Variants in NAV2 observed in about 807,000 individuals in gnomAD.
NAV2 encodes helicase, APC down-regulated 1.
Under a neutral mutation model 223.2 loss-of-function variants are expected in NAV2, and 54 were observed. That is an observed-to-expected ratio of 0.24 (90% CI 0.19 to 0.30). The LOEUF (loss-of-function observed/expected upper bound fraction) is 0.30. Among genes scored for constraint, NAV2 ranks in the 10% least tolerant of loss-of-function variants. The pLI is 1.00. For missense variants in NAV2, 2,806 were observed against 3,147.5 expected (o/e 0.89, Z 2.60); for synonymous variants, 1,279 against 1,239.3 (o/e 1.03, Z -0.67).
intron 1 of NAV2, among the ~76,000 whole-genome samples, chr11:19,755,607 G>C (rs1008993657): frequency 6.6e-6 from 1 of 152,212 alleles, no homozygotes; most frequent in Non-Finnish European, 1.5e-5. Context: ...TTCTAAGGTC[G>C]CTGGCAATTC....
chr11:19,551,283 C>T (rs887085310), intron 1 of NAV2, among the ~76,000 whole-genome samples: 3 of 152,248 alleles, frequency 2.0e-5, no homozygotes, highest in Non-Finnish European at 4.4e-5. Context: ...TCCATGTCTA[C>T]GCAAACAAGA....
chr11:19,406,914 C>A (rs1399366837), intron 1 of NAV2, among the ~76,000 whole-genome samples: 1 of 152,224 alleles, frequency 6.6e-6, no homozygotes, highest in Non-Finnish European at 1.5e-5. Flanking sequence ...AAATGCCATG[C>A]CCACTTCTAC....
At chr11:20,092,408 C>A in intron 28 of NAV2, 40 bp downstream of exon 28, 1 of 1,580,172 alleles carries the variant, frequency 6.3e-7, no homozygotes, top group Non-Finnish European at 8.6e-7. Context: ...AATGGACCTA[C>A]AGCTGGCACC....
intron 5 of NAV2, among the ~76,000 whole-genome samples, chr11:19,885,982 C>T (rs2040934488): frequency 6.6e-6 from 1 of 152,086 alleles, no homozygotes; most frequent in African/African-American, 2.4e-5. Flanking sequence ...AAATGTTCAT[C>T]TCAGACTCTT....
chr11:20,097,769 C>T (rs200816813), intron 31 of NAV2, 24 bp downstream of exon 31: 1,337 of 1,547,000 alleles, frequency 8.6e-4, no homozygotes, highest in Non-Finnish European at 1.1e-3. Flanking sequence ...TTGCAGAAGT[C>T]GGAGCTTTCA....
chr11:19,846,060 C>T (rs554874785), intron 3 of NAV2, among the ~76,000 whole-genome samples: 1 of 152,126 alleles, frequency 6.6e-6, no homozygotes, highest in Non-Finnish European at 1.5e-5. Flanking sequence ...ACCCATTCTA[C>T]CCCCAGGGCA....
chr11:19,942,564 G>A (rs2046488940), intron 8 of NAV2, among the ~76,000 whole-genome samples: 2 of 152,188 alleles, frequency 1.3e-5, no homozygotes, highest in South Asian at 4.1e-4. Context: ...GATAACTGAA[G>A]TCCATGCTTT....
At chr11:19,531,317 C>T (rs1284040500) in intron 1 of NAV2, among the ~76,000 whole-genome samples, 2 of 152,164 alleles carry the variant, frequency 1.3e-5, no homozygotes, top group Non-Finnish European at 2.9e-5. Context: ...GTGATTTGGG[C>T]AGGGAGCTAA....
chr11:19,667,462 C>CA (rs1351257577), intron 1 of NAV2, among the ~76,000 whole-genome samples: 1 of 152,130 alleles, frequency 6.6e-6, no homozygotes, highest in Non-Finnish European at 1.5e-5. Flanking sequence ...GCTTTGGGGG[C>CA]ACGAGGAGGT....
intron 1 of NAV2, among the ~76,000 whole-genome samples, chr11:19,674,870 C>T (rs1242111921): frequency 6.6e-6 from 1 of 152,182 alleles, no homozygotes; most frequent in Non-Finnish European, 1.5e-5. Flanking sequence ...TCAAATCTAA[C>T]ACAGAATTTA....
At chr11:19,361,848 A>C (rs1417402527) in intron 1 of NAV2, among the ~76,000 whole-genome samples, 1 of 152,184 alleles carries the variant, frequency 6.6e-6, no homozygotes, top group African/African-American at 2.4e-5. Flanking sequence ...TTGGATTCCT[A>C]TAGAGTCTCC....
upstream of NAV2, among the ~76,000 whole-genome samples, chr11:19,708,771 GC>G (rs2049757600): frequency 6.6e-6 from 1 of 152,006 alleles, no homozygotes; most frequent in Admixed American, 6.6e-5. Context: ...TTTCAATTTG[GC>G]CTATCACTGA....
At chr11:19,449,643 G>T (rs1229935101) in intron 1 of NAV2, among the ~76,000 whole-genome samples, 1 of 150,896 alleles carries the variant, frequency 6.6e-6, no homozygotes, top group Admixed American at 6.6e-5. Flanking sequence ...GTAGGGGCAC[G>T]GGGTGGGGTG....
chr11:19,505,931 C>T (rs1406500148), intron 1 of NAV2: 3 of 152,190 alleles, frequency 2.0e-5, no homozygotes, highest in Non-Finnish European at 4.4e-5. Flanking sequence ...TGGTGTGTTT[C>T]CTTGATGGCT....
intron 1 of NAV2, among the ~76,000 whole-genome samples, chr11:19,422,351 A>G (rs1850650085): frequency 6.6e-6 from 1 of 152,098 alleles, no homozygotes; most frequent in Non-Finnish European, 1.5e-5. Context: ...TTCATGCGTG[A>G]TCCCATGGAA....
intron 1 of NAV2, among the ~76,000 whole-genome samples, chr11:19,483,856 A>G (rs969908167): frequency 6.6e-6 from 1 of 152,090 alleles, no homozygotes; most frequent in Non-Finnish European, 1.5e-5. Context: ...TCAGAAGACA[A>G]GACTGGGGCA....
chr11:19,817,199 G>T (rs2059137022), intron 1 of NAV2, among the ~76,000 whole-genome samples: 1 of 152,224 alleles, frequency 6.6e-6, no homozygotes, highest in Middle Eastern at 3.4e-3. Context: ...GCCCTGGTCT[G>T]AATGGCCCTA....
At chr11:19,692,334 A>G (rs980520749) in intron 1 of NAV2, among the ~76,000 whole-genome samples, 3 of 152,254 alleles carry the variant, frequency 2.0e-5, no homozygotes, top group African/African-American at 7.2e-5. Flanking sequence ...CTGAGAAGCC[A>G]GGTCATTTGT....
intron 6 of NAV2, among the ~76,000 whole-genome samples, chr11:19,900,647 G>T (rs988663974): frequency 2.0e-5 from 3 of 151,994 alleles, no homozygotes; most frequent in African/African-American, 7.3e-5. Flanking sequence ...ATAAATTCTA[G>T]GGTTCCCACA....
Sources: gnomAD v4.1 joint callset for allele counts (sites outside exome capture counted in the v4.1 genomes callset) on GRCh38, gnomAD v4.1.1 for gene constraint, MANE v1.5 for transcripts, NCBI Gene and HGNC (gene_info 2026-07-23, HGNC 2026-07-21) for gene names.